FOXRED1: variants seen among roughly 807,000 people sequenced by gnomAD.
FOXRED1 encodes FAD-dependent oxidoreductase domain-containing protein 1.
FOXRED1 carries 52 observed loss-of-function variants against 57.8 expected under a neutral mutation model. The observed-to-expected ratio is 0.90, with a 90% CI of 0.72 to 1.13. FOXRED1 has a LOEUF of 1.13. FOXRED1 is among the 50% of genes most tolerant of loss of function. The pLI is 0.00. For missense variants in FOXRED1, 589 were observed against 625.2 expected, an observed-to-expected ratio of 0.94 and a Z score of 0.62; for synonymous variants, 271 against 248.3, an observed-to-expected ratio of 1.09 and a Z score of -0.86.
Position 126,277,735 on chromosome 11 carries a change from G to A in FOXRED1, c.*46G>A. Reference sequence around the variant, plus strand: ...CTCCACTGGCTTGCATCCTGGCTGTGTTCACAGCCTTGTTTGCTGCTTCCA... The same window carrying A: ...CTCCACTGGCTTGCATCCTGGCTGTATTCACAGCCTTGTTTGCTGCTTCCA... On this transcript the variant is annotated 3_prime_UTR_variant, in exon 11 of 11. Transcript: ENST00000263578. This position sits in a 1 kb window ranked among gnomAD's most constrained non-coding sequence, Gnocchi z 6.8. 6.2e-7 allele frequency: 1 copy of A among 1,604,850 alleles called. No individual in the cohort carries two copies. Among genetic ancestry groups the A allele is most frequent in the Non-Finnish European group, 8.5e-7 (1 of 1,172,806 alleles).
chr11:126,276,117 C>T lies in FOXRED1; in HGVS notation c.869C>T (p.Ala290Val), dbSNP rs747681462. Reference protein sequence around the residue: ...QPVECAIVINAAGAWSAQIAA... With the variant: ...QPVECAIVINVAGAWSAQIAA... ...GTGGAATGCGCCATTGTGATCAACG[C>T]AGCCGGAGCCTGGTCTGCGCAAATC... Residue 290 changes from alanine to valine, a missense_variant, in exon 8 of 11, where the codon GCA becomes GTA. Ala to Val is a moderately conservative substitution (Grantham distance 64). Coordinates refer to ENST00000263578, the MANE Select transcript of FOXRED1 (RefSeq NM_017547.4). 33 of 1,612,600 alleles carry T rather than the reference C, an allele frequency of 2.0e-5. No homozygotes were observed. The highest frequency in any genetic ancestry group is 2.0e-5 in the Non-Finnish European group (24 of 1,179,952).
intron 9 of FOXRED1, 128 bp from the exon 10 acceptor site, chr11:126,276,943 G>A (rs113149186): frequency 4.1e-6 from 3 of 734,416 alleles, no homozygotes; most frequent in African/African-American, 1.7e-5. Flanking sequence ...ATTGATATTA[G>A]AGCCCCCTCC....
At position 126,273,525 on chromosome 11, in the gene FOXRED1, G is replaced by A; in HGVS notation, c.536+71G>A. ...TTGGGTGACTCCTGCACCAGGTTAG[G>A]AAGCGAGAAAGTGGAGTTGATAAGA... is the stretch of plus-strand genomic sequence containing the variant. On this transcript the variant is annotated intron_variant, in intron 4 of 10. Transcript: ENST00000263578. This position sits in a 1 kb window ranked among gnomAD's most constrained non-coding sequence, Gnocchi z 5.9. The A allele has an allele frequency of 9.7e-7, 1 of 1,027,026 alleles. No homozygotes were observed. The highest frequency in any genetic ancestry group is 1.5e-6 in the Non-Finnish European group (1 of 647,114). The allele number at this position is 1,027,026 out of a possible 1,614,324, so 63.6% of individuals were successfully genotyped here.
chr11:126,275,599 G>C lies in FOXRED1; in HGVS notation c.733+171G>C. ...TGATCTGCGTTGTGACTTGTGATCT[G>C]CTTGATGATTGCACCTGAGCACTGT... On this transcript the variant is annotated intron_variant, in intron 6 of 10. Coordinates refer to ENST00000263578, the MANE Select transcript of FOXRED1 (RefSeq NM_017547.4). The surrounding 1 kb of genome is among the most constrained non-coding windows in gnomAD (Gnocchi z 5.9). 2 of 721,554 alleles carry C rather than the reference G, an allele frequency of 2.8e-6. No homozygotes were observed. The highest frequency in any genetic ancestry group is 5.0e-6 in the Non-Finnish European group (2 of 399,748). The allele number at this position is 721,554 out of a possible 1,614,324, so 44.7% of individuals were successfully genotyped here.
At position 126,275,596 on chromosome 11, in the gene FOXRED1, T is replaced by A. The variant is rs1052180554; in HGVS notation, c.733+168T>A. 2.8e-6 allele frequency: 2 copies of A among 723,896 alleles called. No homozygotes were observed. Among genetic ancestry groups the A allele is most frequent in the Middle Eastern group, 3.2e-4 (1 of 3,082 alleles). The allele number at this position is 723,896 out of a possible 1,614,324, so 44.8% of individuals were successfully genotyped here. A position where few individuals can be genotyped will look rare whatever the true frequency, so the allele number is the denominator to read the frequency against. On this transcript the variant is annotated intron_variant, in intron 6 of 10. Transcript: ENST00000263578. The surrounding 1 kb of genome is among the most constrained non-coding windows in gnomAD (Gnocchi z 5.9). ...CACTGATCTGCGTTGTGACTTGTGA[T>A]CTGCTTGATGATTGCACCTGAGCAC...
intron 1 of FOXRED1, among the ~76,000 whole-genome samples, chr11:126,269,785 G>A (rs960013398): frequency 2.6e-5 from 4 of 151,936 alleles, no homozygotes; most frequent in Non-Finnish European, 5.9e-5. Flanking sequence ...TCAAGAGTTC[G>A]AGAGCAACCT....
Position 126,274,855 on chromosome 11 carries a change from G to C in FOXRED1, c.537-72G>C. The C allele has an allele frequency of 1.1e-6, 1 of 881,464 alleles. No individual in the cohort carries two copies. The highest frequency in any genetic ancestry group is 2.0e-6 in the Non-Finnish European group (1 of 510,902). The allele number at this position is 881,464 out of a possible 1,614,324, so 54.6% of individuals were successfully genotyped here. On this transcript the variant is annotated intron_variant, in intron 4 of 10. Transcript: ENST00000263578. This position sits in a 1 kb window ranked among gnomAD's most constrained non-coding sequence, Gnocchi z 4.8. ...AGCTGGACTCCCCACTTGTGGAGTT[G>C]GGGTCCATACATCATCCCCCTGCAC... is the stretch of plus-strand genomic sequence containing the variant.
rs753123082 is a variant in FOXRED1 at position 126,277,058 on chromosome 11, C to CGG, written c.1102-13_1102-12insGG. On this transcript the variant is annotated splice_polypyrimidine_tract_variant and intron_variant, in intron 9 of 10. Coordinates refer to ENST00000263578, the MANE Select transcript of FOXRED1 (RefSeq NM_017547.4). The surrounding 1 kb of genome is among the most constrained non-coding windows in gnomAD (Gnocchi z 6.8). The stretch of plus-strand genomic sequence containing the variant: ...CCAGGCAATGTAAGCGTTGTCCCCA[C>CGG]CTCTCACTCCAGCAGGAAGAACCGG... 6.5e-7 allele frequency: 1 copy of CGG among 1,547,272 alleles called. No homozygotes were observed. Among genetic ancestry groups the CGG allele is most frequent in the East Asian group, 2.2e-5 (1 of 44,570 alleles).
intron 9 of FOXRED1, 119 bp downstream of exon 9, chr11:126,276,642 A>G (rs1333134711): frequency 9.0e-7 from 1 of 1,113,508 alleles, no homozygotes; most frequent in Non-Finnish European, 1.3e-6. Flanking sequence ...TTGGGAGGCC[A>G]AGGCAGGTGG....
In FOXRED1 at chr11:126,269,224, G is replaced by C. The variant is rs1950899652; in HGVS notation, c.18G>C (p.Leu6=). Residue 6 remains leucine (L), a synonymous_variant, in exon 1 of 11, where the codon CTG becomes CTC. Coordinates refer to ENST00000263578, the MANE Select transcript of FOXRED1 (RefSeq NM_017547.4). The stretch of plus-strand genomic sequence containing the variant: ...GAGGGGTTATGATTCGGAGGGTTCT[G>C]CCGCACGGCATGGGCCGGGGCCTCT... MIRRV[L]PHGMGRGLLT... is the part of the protein sequence containing the mutation. 1 of 1,613,848 alleles carries C rather than the reference G, an allele frequency of 6.2e-7. No individual in the cohort carries two copies. Among genetic ancestry groups the C allele is most frequent in the Non-Finnish European group, 8.5e-7 (1 of 1,179,882 alleles).
At position 126,272,731 on chromosome 11, in the gene FOXRED1, T is replaced by C; in HGVS notation, c.307-238T>C. ...CCCTTGGACTTCCAGGCCATTACCATTTTGTACCACTGTGTCAGCTCTTTC... is the reference window on the plus strand; with the variant it reads ...CCCTTGGACTTCCAGGCCATTACCACTTTGTACCACTGTGTCAGCTCTTTC... On this transcript the variant is annotated intron_variant, in intron 2 of 10. Coordinates refer to ENST00000263578, the MANE Select transcript of FOXRED1 (RefSeq NM_017547.4). This position sits in a 1 kb window ranked among gnomAD's most constrained non-coding sequence, Gnocchi z 4.6. 1.7e-6 allele frequency: 1 copy of C among 592,150 alleles called. No homozygotes were observed. Among genetic ancestry groups the C allele is most frequent in the Non-Finnish European group, 3.0e-6 (1 of 330,904 alleles). The allele number at this position is 592,150 out of a possible 1,614,324, so 36.7% of individuals were successfully genotyped here. A position where few individuals can be genotyped will look rare whatever the true frequency, so the allele number is the denominator to read the frequency against.
Position 126,271,904 on chromosome 11 carries a change from T to C in FOXRED1, c.306+247T>C. ...TCACCATATTGGATTTTTCGAGATC[T>C]CATAGCTCTGGTCATGAGAGCCTGC... On this transcript the variant is annotated intron_variant, in intron 2 of 10. Coordinates refer to ENST00000263578, the MANE Select transcript of FOXRED1 (RefSeq NM_017547.4). This position sits in a 1 kb window ranked among gnomAD's most constrained non-coding sequence, Gnocchi z 5.3. The C allele has an allele frequency of 2.0e-6, 1 of 497,494 alleles. No homozygotes were observed. Among genetic ancestry groups the C allele is most frequent in the Non-Finnish European group, 3.7e-6 (1 of 271,292 alleles). 30.8% of individuals were successfully genotyped at this position (497,494 alleles called of 1,614,324 possible).
At chr11:126,270,936 G>A (rs992935778) in intron 1 of FOXRED1, 1 of 208,192 alleles carries the variant, frequency 4.8e-6, no homozygotes, top group Admixed American at 5.3e-5. Context: ...AAAGGGGACA[G>A]ATTGAGGAGT....
chr11:126,271,047 C>A lies in FOXRED1; in HGVS notation c.86-390C>A. 1.2e-5 allele frequency: 4 copies of A among 321,596 alleles called. No individual in the cohort carries two copies. Among genetic ancestry groups the A allele is most frequent in the Non-Finnish European group, 2.4e-5 (4 of 164,974 alleles). The allele number at this position is 321,596 out of a possible 1,614,324, so 19.9% of individuals were successfully genotyped here. A position where few individuals can be genotyped will look rare whatever the true frequency, so the allele number is the denominator to read the frequency against. On this transcript the variant is annotated intron_variant, in intron 1 of 10. Transcript: ENST00000263578. The surrounding 1 kb of genome is among the most constrained non-coding windows in gnomAD (Gnocchi z 5.3). The stretch of plus-strand genomic sequence containing the variant: ...CCAGGATAAGCATGGCACCGCTTAG[C>A]GGTGACATGCTTCAGAGGGTGCCGT...
chr11:126,273,303 C>T lies in FOXRED1; in HGVS notation c.418-33C>T. 6.7e-7 allele frequency: 1 copy of T among 1,497,142 alleles called. No homozygotes were observed. The highest frequency in any genetic ancestry group is 9.3e-7 in the Non-Finnish European group (1 of 1,073,426). The allele number at this position is 1,497,142 out of a possible 1,614,324, so 92.7% of individuals were successfully genotyped here. A position where few individuals can be genotyped will look rare whatever the true frequency, so the allele number is the denominator to read the frequency against. ...AAAACTCTTTCTGGCATCCTTAAGT[C>T]AGTTTCTTTCAGGAGCTTCTGTCTG... is the stretch of plus-strand genomic sequence containing the variant. On this transcript the variant is annotated intron_variant, in intron 3 of 10. Coordinates refer to ENST00000263578, the MANE Select transcript of FOXRED1 (RefSeq NM_017547.4). This position sits in a 1 kb window ranked among gnomAD's most constrained non-coding sequence, Gnocchi z 5.9.
At chr11:126,269,990 A>C (rs1950934831) in intron 1 of FOXRED1, among the ~76,000 whole-genome samples, 3 of 120,060 alleles carry the variant, frequency 2.5e-5, no homozygotes, top group Admixed American at 7.7e-5. Context: ...CCGTCTCAAA[A>C]AAAAAAAAAA....
Position 126,275,698 on chromosome 11 carries a change from A to G in FOXRED1, c.734-96A>G. On this transcript the variant is annotated intron_variant, in intron 6 of 10. Coordinates refer to ENST00000263578, the MANE Select transcript of FOXRED1 (RefSeq NM_017547.4). The surrounding 1 kb of genome is among the most constrained non-coding windows in gnomAD (Gnocchi z 5.9). ...CTTCAGTGTCTGTGGGAAAGCTCCC[A>G]TCCTTCCAGCTTTCTTTCCTTAAGA... is the stretch of plus-strand genomic sequence containing the variant. 2.2e-6 allele frequency: 2 copies of G among 900,906 alleles called. No individual in the cohort carries two copies. Among genetic ancestry groups the G allele is most frequent in the Admixed American group, 1.9e-5 (1 of 52,344 alleles). The allele number at this position is 900,906 out of a possible 1,614,324, so 55.8% of individuals were successfully genotyped here.
Position 126,271,953 on chromosome 11 carries a change from C to A in FOXRED1, c.306+296C>A. Reference sequence around the variant, plus strand: ...GCATTCAAGCTATAATTAAGTGTCTCAATTTTCTCTTTTTTTTTTTTTTTT... The same window carrying A: ...GCATTCAAGCTATAATTAAGTGTCTAAATTTTCTCTTTTTTTTTTTTTTTT... On this transcript the variant is annotated intron_variant, in intron 2 of 10. Coordinates refer to ENST00000263578, the MANE Select transcript of FOXRED1 (RefSeq NM_017547.4). The surrounding 1 kb of genome is among the most constrained non-coding windows in gnomAD (Gnocchi z 5.3). 6 of 348,070 alleles carry A rather than the reference C, an allele frequency of 1.7e-5. No individual in the cohort carries two copies. Among genetic ancestry groups the A allele is most frequent in the East Asian group, 6.9e-5 (1 of 14,590 alleles). 21.6% of individuals were successfully genotyped at this position (348,070 alleles called of 1,614,324 possible). A position where few individuals can be genotyped will look rare whatever the true frequency, so the allele number is the denominator to read the frequency against.
In FOXRED1 at chr11:126,271,516, C is replaced by T. The variant is rs1310428822; in HGVS notation, c.165C>T (p.Asp55=). The T allele has an allele frequency of 6.2e-7, 1 of 1,614,214 alleles. No homozygotes were observed. Among genetic ancestry groups the T allele is most frequent in the South Asian group, 1.1e-5 (1 of 91,078 alleles). The change falls in exon 2 of 11, where the codon GAC becomes GAT. Residue 55 remains aspartate (D), a synonymous_variant. Transcript: ENST00000263578. This position sits in a 1 kb window ranked among gnomAD's most constrained non-coding sequence, Gnocchi z 5.3. ...GAAGGTCCTGTGATCTACTGCAAGA[C>T]ACCAGCCACCTGCCTCCCGAGCACT... ...LPGRSCDLLQ[D]TSHLPPEHSD... is the part of the protein sequence containing the mutation.
Sources: gnomAD v4.1 joint callset for allele counts (sites outside exome capture counted in the v4.1 genomes callset) on GRCh38, gnomAD v4.1.1 for gene constraint, Gnocchi (gnomAD v3.1) non-coding constraint, MANE v1.5 for transcripts, NCBI Gene and HGNC (gene_info 2026-07-23, HGNC 2026-07-21) for gene names.